The following MAP3K5 variants were observed in gnomAD, a reference collection of about 807,000 sequenced individuals.
MAP3K5 encodes the protein ASK-1.
Under a neutral mutation model 158.7 loss-of-function variants are expected in MAP3K5, and 56 were observed. The observed-to-expected ratio is 0.35, with a 90% CI of 0.28 to 0.44. The LOEUF is 0.44. Ranked by LOEUF, MAP3K5 falls within the 20% of genes least tolerant of loss-of-function variation. MAP3K5 has a pLI of 1.00. For missense variants in MAP3K5, 1,294 were observed against 1,674.8 expected (o/e 0.77, Z 3.97); for synonymous variants, 579 against 601.7 (o/e 0.96, Z 0.55).
chr6:136,788,545 T>G (rs1214748982), intron 1 of MAP3K5, among the ~76,000 whole-genome samples: 2 of 152,016 alleles, frequency 1.3e-5, no homozygotes, highest in East Asian at 3.9e-4. Flanking sequence ...GGTCTACAAA[T>G]CAACAAGCAA....
intron 25 of MAP3K5, among the ~76,000 whole-genome samples, chr6:136,574,996 T>C (rs1055874210): frequency 1.3e-5 from 2 of 150,670 alleles, no homozygotes; most frequent in Admixed American, 6.6e-5. Flanking sequence ...GCCTAAACAC[T>C]TTTTTTTTAA....
rs762905591 is a variant in MAP3K5, at chr6:136,605,212, G to C, written c.2676C>G (p.Phe892Leu). 7.4e-6 allele frequency: 12 copies of C among 1,613,428 alleles called. No homozygotes were observed. In the South Asian group the frequency reaches 1.3e-4, roughly 18 times the overall value. ...YELGEPQAAMFKVGMFKVHPE... is the reference protein window; with the variant it reads ...YELGEPQAAMLKVGMFKVHPE... ...TTTAAGAGAAATGAAGTGTGACCTT[G>C]AACATAGCTGCTTGTGGTTCTCCCA... The change falls in exon 19 of 30, where the codon TTC becomes TTG. Residue 892 changes from phenylalanine to leucine, a missense_variant. Physicochemically the swap from Phe to Leu is conservative, Grantham distance 22. Around this residue, in one of 5 missense-constraint regions of MAP3K5, gnomAD observed 362 missense variants for 463.2 expected, o/e 0.78. Transcript: ENST00000359015.
intron 14 of MAP3K5, among the ~76,000 whole-genome samples, chr6:136,628,661 T>G (rs1241881238): frequency 1.3e-5 from 2 of 152,192 alleles, no homozygotes; most frequent in Non-Finnish European, 2.9e-5. Flanking sequence ...TAGATACAGA[T>G]TTAAAAGATT....
At chr6:136,580,978 C>T (rs1774849345) in intron 24 of MAP3K5, among the ~76,000 whole-genome samples, 1 of 152,032 alleles carries the variant, frequency 6.6e-6, no homozygotes, top group African/African-American at 2.4e-5. Context: ...CCGTGCCTGG[C>T]CATCTTAGCC....
intron 2 of MAP3K5, among the ~76,000 whole-genome samples, 190 bp downstream of exon 2, chr6:136,720,260 C>A (rs1335055926): frequency 6.6e-6 from 1 of 152,124 alleles, no homozygotes; most frequent in African/African-American, 2.4e-5. Context: ...GAACTTTTTT[C>A]CTACTCGTGT....
At chr6:136,642,233 G>T (rs1341310507) in intron 12 of MAP3K5, among the ~76,000 whole-genome samples, 2 of 151,956 alleles carry the variant, frequency 1.3e-5, no homozygotes, top group Non-Finnish European at 2.9e-5. Context: ...ACCTCCACAT[G>T]GCTGAGTGTA....
intron 9 of MAP3K5, among the ~76,000 whole-genome samples, chr6:136,657,808 G>A (rs114138260): frequency 0.012 from 1,828 of 152,324 alleles, 42 homozygotes; most frequent in African/African-American, 0.042. Context: ...TGCTCAGCAC[G>A]TGCTCAGACA....
chr6:136,745,483 G>A (rs1370893344), intron 1 of MAP3K5, among the ~76,000 whole-genome samples: 6 of 152,258 alleles, frequency 3.9e-5, no homozygotes, highest in African/African-American at 1.2e-4. Context: ...GCTGTGGCAG[G>A]GAGGAGGATG....
chr6:136,736,661 T>C (rs1782474030), intron 1 of MAP3K5, among the ~76,000 whole-genome samples: 1 of 152,100 alleles, frequency 6.6e-6, no homozygotes, highest in African/African-American at 2.4e-5. Context: ...ATTAAATCTA[T>C]CAGTAAAGGA....
At chr6:136,766,414 C>T (rs1231449112) in intron 1 of MAP3K5, among the ~76,000 whole-genome samples, 1 of 152,220 alleles carries the variant, frequency 6.6e-6, no homozygotes, top group African/African-American at 2.4e-5. Flanking sequence ...GCCAGTTCTA[C>T]AAATTCATAT....
chr6:136,641,586 G>A (rs1777937607), intron 12 of MAP3K5, among the ~76,000 whole-genome samples: 1 of 151,202 alleles, frequency 6.6e-6, no homozygotes, highest in Non-Finnish European at 1.5e-5. Flanking sequence ...AGTCAGAACT[G>A]AACCAAACTG....
chr6:136,621,019 A>C (rs73556264), intron 15 of MAP3K5, among the ~76,000 whole-genome samples: 117 of 152,338 alleles, frequency 7.7e-4, no homozygotes, highest in African/African-American at 2.7e-3. Context: ...GGTTGGTGCA[A>C]AAGTAATTGC....
At position 136,557,824 on chromosome 6, in the gene MAP3K5, TAA is replaced by T; in HGVS notation, c.4065-8_4065-7del. 3 of 1,600,064 alleles carry T rather than the reference TAA, an allele frequency of 1.9e-6. No individual in the cohort carries two copies. The highest frequency in any genetic ancestry group is 2.6e-6 in the Non-Finnish European group (3 of 1,167,146). ...GTGTGCACAGCATCCCTCCCCTGTTTAAAGACACAAGAACATGGTGAAACGAA... is the reference window on the plus strand; with the variant it reads ...GTGTGCACAGCATCCCTCCCCTGTTTAGACACAAGAACATGGTGAAACGAA... On this transcript the variant is annotated splice_polypyrimidine_tract_variant and splice_region_variant and intron_variant, in intron 29 of 29. Coordinates refer to ENST00000359015, the MANE Select transcript of MAP3K5 (RefSeq NM_005923.4).
At chr6:136,579,241 C>T (rs1774758423) in intron 25 of MAP3K5, among the ~76,000 whole-genome samples, 1 of 152,150 alleles carries the variant, frequency 6.6e-6, no homozygotes, top group Non-Finnish European at 1.5e-5. Context: ...CCACCCACCA[C>T]CCCAACACAC....
rs1461666900 is a variant in MAP3K5 at position 136,613,109 on chromosome 6, G to C, written c.2415+11C>G. 1.9e-6 allele frequency: 3 copies of C among 1,594,642 alleles called. No homozygotes were observed. In the South Asian group the frequency reaches 3.5e-5, roughly 18 times the overall value. On this transcript the variant is annotated intron_variant, in intron 17 of 29. Coordinates refer to ENST00000359015, the MANE Select transcript of MAP3K5 (RefSeq NM_005923.4). This position sits in a 1 kb window ranked among gnomAD's most constrained non-coding sequence, Gnocchi z 4.0. ...AAAGAACTCATGAAAATGAATGCTG[G>C]TGTACCTCACCTTTATGTCCCGGTG...
At position 136,613,114 on chromosome 6, in the gene MAP3K5, C is replaced by G; in HGVS notation, c.2415+6G>C. 1 of 1,598,886 alleles carries G rather than the reference C, an allele frequency of 6.3e-7. No individual in the cohort carries two copies. Among genetic ancestry groups the G allele is most frequent in the Non-Finnish European group, 8.5e-7 (1 of 1,173,816 alleles). On this transcript the variant is annotated splice_donor_region_variant and intron_variant, in intron 17 of 29. Coordinates refer to ENST00000359015, the MANE Select transcript of MAP3K5 (RefSeq NM_005923.4). This position sits in a 1 kb window ranked among gnomAD's most constrained non-coding sequence, Gnocchi z 4.0. ...ACTCATGAAAATGAATGCTGGTGTA[C>G]CTCACCTTTATGTCCCGGTGAACTA... is the stretch of plus-strand genomic sequence containing the variant.
intron 15 of MAP3K5, among the ~76,000 whole-genome samples, chr6:136,620,718 A>C (rs1776760759): frequency 6.6e-6 from 1 of 152,254 alleles, no homozygotes; most frequent in Admixed American, 6.5e-5. Context: ...CTTTGAATAC[A>C]CAACACACAC....
chr6:136,684,850 G>C (rs1405633596), intron 7 of MAP3K5, among the ~76,000 whole-genome samples: 1 of 152,116 alleles, frequency 6.6e-6, no homozygotes, highest in African/African-American at 2.4e-5. Flanking sequence ...CAAGAGCTGG[G>C]ATGAACAAAA....
At chr6:136,712,049 A>G (rs896949312) in intron 2 of MAP3K5, among the ~76,000 whole-genome samples, 3 of 152,104 alleles carry the variant, frequency 2.0e-5, no homozygotes, top group Non-Finnish European at 4.4e-5. Flanking sequence ...TCTTTTCCCT[A>G]TTAATTTCTT....
Sources: allele counts gnomAD v4.1 joint callset (sites outside exome capture counted in the v4.1 genomes callset), GRCh38; gene constraint gnomAD v4.1.1; regional missense constraint gnomAD v4.1.1; non-coding constraint Gnocchi (gnomAD v3.1); transcripts MANE v1.5; gene names NCBI Gene and HGNC (gene_info 2026-07-23, HGNC 2026-07-21).